Variants in EPHB2 observed in about 807,000 individuals in gnomAD.
EPHB2 encodes the protein EPH receptor B2.
EPHB2 carries 18 observed loss-of-function variants against 96.4 expected under a neutral mutation model. That is an observed-to-expected ratio of 0.19 (90% CI 0.13 to 0.28). The LOEUF is 0.28. EPHB2 is among the 10% of genes least tolerant of loss of function. The probability of loss-of-function intolerance (pLI) is 1.00; values close to 1 mark genes in which losing one functional copy is unlikely to be tolerated. For synonymous variants in EPHB2, 506 were observed against 534.1 expected (o/e 0.95, Z 0.72); for missense variants, 989 against 1,355.4 (o/e 0.73, Z 4.25).
chr1:22,774,620 C>T (rs552567812), intron 1 of EPHB2: 18 of 985,254 alleles, frequency 1.8e-5, no homozygotes, highest in African/African-American at 3.5e-5. Context: ...ACGAGAGACA[C>T]GGAAGACGGT....
chr1:22,803,760 T>A (rs80034702), intron 3 of EPHB2, among the ~76,000 whole-genome samples: 16,194 of 148,318 alleles, frequency 0.11, 1,622 homozygotes, highest in East Asian at 0.58. Context: ...TATATATATA[T>A]AAATTAGCTG....
At position 22,790,667 on chromosome 1, in the gene EPHB2, C is replaced by T. The variant is rs1208617420; in HGVS notation, c.811+5591C>T. On this transcript the variant is annotated intron_variant, in intron 3 of 15. Transcript: ENST00000374630. The surrounding 1 kb of genome is among the most constrained non-coding windows in gnomAD (Gnocchi z 4.0). ...CCCCCAACCTAGCCTTCTTTGGGGA[C>T]CTTGCTCTGTTCTCTCCCAGTGGCC... 6.6e-6 allele frequency among the ~76,000 whole-genome samples: 1 copy of T among 152,242 alleles called. No individual in the cohort carries two copies. The highest frequency in any genetic ancestry group is 1.9e-4 in the East Asian group (1 of 5,200).
intron 2 of EPHB2, among the ~76,000 whole-genome samples, chr1:22,782,558 G>A (rs1047743523): frequency 3.3e-5 from 5 of 152,076 alleles, no homozygotes; most frequent in East Asian, 1.9e-4. Context: ...CTGCGAAGGC[G>A]GCTGGGCCCA....
At chr1:22,849,244 T>C (rs1051816806) in intron 3 of EPHB2, among the ~76,000 whole-genome samples, 3 of 152,158 alleles carry the variant, frequency 2.0e-5, no homozygotes, top group Non-Finnish European at 4.4e-5. Flanking sequence ...CTCTTCAAGG[T>C]CACTTTTGCA....
intron 1 of EPHB2, among the ~76,000 whole-genome samples, chr1:22,716,492 C>G (rs943049744): frequency 2.0e-5 from 3 of 152,150 alleles, no homozygotes; most frequent in Non-Finnish European, 4.4e-5. Flanking sequence ...CCACTACACC[C>G]GGCTAATTTT....
intron 3 of EPHB2, among the ~76,000 whole-genome samples, chr1:22,802,617 C>T (rs768238438): frequency 1.5e-4 from 23 of 152,070 alleles, no homozygotes; most frequent in African/African-American, 2.9e-4. Flanking sequence ...AAGGGTAGTC[C>T]GTAGCAGAGA....
Position 22,775,587 on chromosome 1 carries a change from T to G in EPHB2, c.62-5834T>G, listed in dbSNP as rs1007327377. Among the ~76,000 whole-genome samples the G allele has an allele frequency of 7.2e-5, 11 of 152,240 alleles. 1 individual carries two copies. Among genetic ancestry groups the G allele is most frequent in the African/African-American group, 2.7e-4 (11 of 41,470 alleles). On this transcript the variant is annotated intron_variant, in intron 1 of 15. Coordinates refer to ENST00000374630, the MANE Select transcript of EPHB2 (RefSeq NM_017449.5). The stretch of plus-strand genomic sequence containing the variant: ...TCCTTTCAGCCCAACGCTAACGACT[T>G]CAGTGTGTCTCCCCTTTAAGTTCAA...
intron 3 of EPHB2, among the ~76,000 whole-genome samples, chr1:22,809,198 C>T (rs1644970216): frequency 6.6e-6 from 1 of 152,186 alleles, no homozygotes; most frequent in Non-Finnish European, 1.5e-5. Flanking sequence ...CGCTCAGTTT[C>T]CCAAGATGAG....
intron 1 of EPHB2, among the ~76,000 whole-genome samples, chr1:22,737,695 G>A (rs998557398): frequency 6.6e-6 from 1 of 152,220 alleles, no homozygotes; most frequent in African/African-American, 2.4e-5. Context: ...AAACTGGAGT[G>A]TAGAGACTTT....
At chr1:22,756,864 A>G (rs1404344133) in intron 1 of EPHB2, among the ~76,000 whole-genome samples, 2 of 152,216 alleles carry the variant, frequency 1.3e-5, no homozygotes. Context: ...GAAGATGTCT[A>G]TGATACGAAA....
chr1:22,763,165 C>T (rs1038790013), intron 1 of EPHB2, among the ~76,000 whole-genome samples: 1 of 152,204 alleles, frequency 6.6e-6, no homozygotes, highest in African/African-American at 2.4e-5. Flanking sequence ...TGGGCCTGTG[C>T]GAGCAGAACC....
chr1:22,828,797 G>T (rs533559948), intron 3 of EPHB2, among the ~76,000 whole-genome samples: 25 of 152,346 alleles, frequency 1.6e-4, no homozygotes, highest in Non-Finnish European at 3.2e-4. Flanking sequence ...GAGAGGCCAA[G>T]AGGCAGGAGC....
At chr1:22,798,915 CAG>C (rs1644804012) in intron 3 of EPHB2, among the ~76,000 whole-genome samples, 1 of 152,094 alleles carries the variant, frequency 6.6e-6, no homozygotes, top group Admixed American at 6.5e-5. Context: ...CCAGTGCTGG[CAG>C]AGTTTCTAGA....
intron 1 of EPHB2, among the ~76,000 whole-genome samples, chr1:22,770,084 T>C (rs1305336527): frequency 6.6e-6 from 1 of 151,804 alleles, no homozygotes; most frequent in African/African-American, 2.4e-5. Flanking sequence ...ATTTGACGAA[T>C]AGATGGATGG....
At chr1:22,774,530 A>G in intron 1 of EPHB2, 1 of 984,602 alleles carries the variant, frequency 1.0e-6, no homozygotes, top group Non-Finnish European at 1.2e-6. Flanking sequence ...CAGGCAGAAA[A>G]ATCTAGAAAG....
At chr1:22,744,173 ACC>A (rs11287437) in intron 1 of EPHB2, among the ~76,000 whole-genome samples, 1 of 151,694 alleles carries the variant, frequency 6.6e-6, no homozygotes, top group Non-Finnish European at 1.5e-5. Flanking sequence ...CAGTCATATA[ACC>A]CCCCCACCCC....
At chr1:22,818,848 G>T (rs757317942) in intron 3 of EPHB2, among the ~76,000 whole-genome samples, 4 of 152,092 alleles carry the variant, frequency 2.6e-5, no homozygotes, top group Admixed American at 6.5e-5. Flanking sequence ...GAGCTCCCAC[G>T]CTTCATGCCT....
Position 22,733,023 on chromosome 1 carries a change from T to A in EPHB2, c.61+21980T>A, listed in dbSNP as rs374775852. On this transcript the variant is annotated intron_variant, in intron 1 of 15. Transcript: ENST00000374630. The surrounding 1 kb of genome is among the most constrained non-coding windows in gnomAD (Gnocchi z 4.6). ...CAGGACTGTCCAGACTCTCTGTATGTTCCCCCTCCTAGGCTGCCTTTCTTT... is the reference window on the plus strand; with the variant it reads ...CAGGACTGTCCAGACTCTCTGTATGATCCCCCTCCTAGGCTGCCTTTCTTT... Among the ~76,000 whole-genome samples the A allele has an allele frequency of 6.0e-4, 91 of 152,288 alleles. No individual in the cohort carries two copies. Among genetic ancestry groups the A allele is most frequent in the African/African-American group, 2.0e-3 (84 of 41,562 alleles).
rs1388127143 is a variant in EPHB2, at chr1:22,858,328, G to T, written c.812-4709G>T. On this transcript the variant is annotated intron_variant, in intron 3 of 15. Coordinates refer to ENST00000374630, the MANE Select transcript of EPHB2 (RefSeq NM_017449.5). The surrounding 1 kb of genome is among the most constrained non-coding windows in gnomAD (Gnocchi z 7.7). ...TATTCTAAGTGCAGTGGGGATAAAT[G>T]GTGCACGAGGGAGTTTAGACAAGAT... is the stretch of plus-strand genomic sequence containing the variant. Among the ~76,000 whole-genome samples the T allele has an allele frequency of 6.6e-6, 1 of 152,128 alleles. No individual in the cohort carries two copies. Among genetic ancestry groups the T allele is most frequent in the African/African-American group, 2.4e-5 (1 of 41,442 alleles).
Sources: allele counts gnomAD v4.1 joint callset (sites outside exome capture counted in the v4.1 genomes callset), GRCh38; gene constraint gnomAD v4.1.1; non-coding constraint Gnocchi (gnomAD v3.1); transcripts MANE v1.5; gene names NCBI Gene and HGNC (gene_info 2026-07-23, HGNC 2026-07-21).